Variants in CEP83 observed in about 807,000 individuals in gnomAD.
The protein encoded by CEP83 is centrosomal protein of 83 kDa.
CEP83 carries 70 observed loss-of-function variants against 101.9 expected under a neutral mutation model. The ratio of observed to expected loss-of-function variants is 0.69; its 90% CI spans 0.57 to 0.84. The LOEUF (loss-of-function observed/expected upper bound fraction) is 0.84, where lower values mean the gene tolerates loss of function less well. CEP83 is among the 40% of genes least tolerant of loss of function. The pLI is 0.00. For synonymous variants in CEP83, 264 were observed against 267.9 expected, an observed-to-expected ratio of 0.99 and a Z score of 0.14; for missense variants, 715 against 787.2, an observed-to-expected ratio of 0.91 and a Z score of 1.10.
intron 14 of CEP83, chr12:94,328,293 CA>C: frequency 5.7e-6 from 2 of 353,258 alleles, no homozygotes; most frequent in Non-Finnish European, 1.1e-5. Flanking sequence ...CATCCCAACT[CA>C]AGATCCTGTT....
chr12:94,306,497 C>T (rs956377714), downstream of CEP83: 1 of 152,106 alleles, frequency 6.6e-6, no homozygotes, highest in Admixed American at 6.6e-5. Context: ...ATTTTTGCTG[C>T]TCATGACCAG....
chr12:94,282,280 C>CA, the CEP83 span: 2 of 1,573,486 alleles, frequency 1.3e-6, no homozygotes, highest in African/African-American at 2.7e-5. Flanking sequence ...TAAAAAGGAA[C>CA]AAAATGCTCT....
At chr12:94,397,259 G>A (rs1000775397) in intron 6 of CEP83, among the ~76,000 whole-genome samples, 3 of 152,154 alleles carry the variant, frequency 2.0e-5, no homozygotes, top group Non-Finnish European at 2.9e-5. Context: ...TGAACTTTGA[G>A]AGGTTGAGGT....
chr12:94,448,572 C>T (rs1355822664), intron 1 of CEP83, among the ~76,000 whole-genome samples: 1 of 152,024 alleles, frequency 6.6e-6, no homozygotes, highest in African/African-American at 2.4e-5. Flanking sequence ...AGATTGAACT[C>T]ATAAAAAATG....
At chr12:94,268,587 C>CTTTTT in the CEP83 span, among the ~76,000 whole-genome samples, 5 of 100,572 alleles carry the variant, frequency 5.0e-5, no homozygotes, top group Admixed American at 2.2e-4. Context: ...GAGAATAAGA[C>CTTTTT]CTTTTTTTTT....
intron 5 of CEP83, among the ~76,000 whole-genome samples, chr12:94,401,982 T>C (rs1014115862): frequency 1.3e-5 from 2 of 152,176 alleles, no homozygotes; most frequent in African/African-American, 4.8e-5. Flanking sequence ...AAGGGGCCCA[T>C]TTTGAAGGGG....
chr12:94,426,923 C>A (rs952664829), intron 2 of CEP83, among the ~76,000 whole-genome samples: 4 of 152,128 alleles, frequency 2.6e-5, no homozygotes, highest in African/African-American at 9.7e-5. Flanking sequence ...TCAGAGGGAA[C>A]GTGGCTTGGC....
intron 11 of CEP83, among the ~76,000 whole-genome samples, chr12:94,364,187 G>A (rs746308691): frequency 4.7e-4 from 72 of 152,112 alleles, no homozygotes; most frequent in Non-Finnish European, 9.1e-4. Flanking sequence ...AGATGGTAAT[G>A]ATGGTTCCAC....
chr12:94,329,354 A>C (rs575617263), intron 14 of CEP83, among the ~76,000 whole-genome samples: 4 of 151,684 alleles, frequency 2.6e-5, no homozygotes, highest in African/African-American at 9.7e-5. Context: ...GCAATCTTGA[A>C]CTCCTGGGCT....
intron 11 of CEP83, among the ~76,000 whole-genome samples, chr12:94,340,171 G>A (rs2059618227): frequency 6.6e-6 from 1 of 152,196 alleles, no homozygotes; most frequent in Admixed American, 6.5e-5. Flanking sequence ...TAAGAGCCCT[G>A]GCTTTAAGCC....
At chr12:94,289,080 A>G in the CEP83 span, among the ~76,000 whole-genome samples, 1 of 152,228 alleles carries the variant, frequency 6.6e-6, no homozygotes, top group Non-Finnish European at 1.5e-5. Flanking sequence ...GGTTAAACAT[A>G]AGTTCAACCT....
the CEP83 span, chr12:94,301,037 A>T: frequency 1.2e-6 from 2 of 1,613,798 alleles, no homozygotes; most frequent in Admixed American, 1.7e-5. Context: ...ATTTTCTCTC[A>T]CAGAGCAGCA....
the CEP83 span, chr12:94,298,825 T>C: frequency 6.3e-7 from 1 of 1,588,602 alleles, no homozygotes; most frequent in Non-Finnish European, 8.6e-7. Flanking sequence ...GTGACTGTTT[T>C]CAAGAATCTG....
At chr12:94,401,083 C>T (rs2063225987) in intron 5 of CEP83, 102 bp from the exon 6 acceptor site, 1 of 579,216 alleles carries the variant, frequency 1.7e-6, no homozygotes, top group East Asian at 3.5e-5. Flanking sequence ...ATAATGATAG[C>T]CACTCTAAAA....
chr12:94,449,542 G>A (rs1444237181), intron 1 of CEP83, among the ~76,000 whole-genome samples: 1 of 150,652 alleles, frequency 6.6e-6, no homozygotes, highest in Non-Finnish European at 1.5e-5. Context: ...AATCGCTTGA[G>A]CCAAGGAGTT....
downstream of CEP83, chr12:94,303,736 T>G: frequency 9.4e-6 from 12 of 1,271,968 alleles, no homozygotes; most frequent in East Asian, 3.1e-5. Flanking sequence ...TGGTTGCTTT[T>G]TTTTTTTTTT....
chr12:94,449,664 T>C (rs1445744156), intron 1 of CEP83, among the ~76,000 whole-genome samples: 1 of 148,212 alleles, frequency 6.7e-6, no homozygotes, highest in African/African-American at 2.5e-5. Flanking sequence ...CCCCAGCCAC[T>C]TGGGAGGCGG....
rs775803585 is a variant in CEP83 at position 94,385,211 on chromosome 12, A to T, written c.550-6169T>A. ...GGTTCCCCATTAGGCCTCAACTGACACCTCCCTGGATGGGAAGCGTAGGAG... is the reference window on the plus strand; with the variant it reads ...GGTTCCCCATTAGGCCTCAACTGACTCCTCCCTGGATGGGAAGCGTAGGAG... On this transcript the variant is annotated intron_variant, in intron 6 of 16. Coordinates refer to ENST00000397809, the MANE Select transcript of CEP83 (RefSeq NM_016122.3). Among the ~76,000 whole-genome samples the T allele has an allele frequency of 9.9e-5, 15 of 151,880 alleles. No homozygotes were observed. The South Asian group carries it at 2.3e-3, about 23-fold the overall frequency.
intron 14 of CEP83, among the ~76,000 whole-genome samples, chr12:94,318,985 T>C (rs1971165261): frequency 6.6e-6 from 1 of 152,200 alleles, no homozygotes; most frequent in Non-Finnish European, 1.5e-5. Flanking sequence ...GGAGAAGCAG[T>C]ACCAGCTCTT....
Sources: allele counts gnomAD v4.1 joint callset (sites outside exome capture counted in the v4.1 genomes callset), GRCh38; gene constraint gnomAD v4.1.1; transcripts MANE v1.5; gene names NCBI Gene and HGNC (gene_info 2026-07-23, HGNC 2026-07-21).